The following CDIN1 variants were observed in gnomAD, a reference collection of about 807,000 sequenced individuals.
The protein encoded by CDIN1 is CDAN1 interacting nuclease 1.
Under a neutral mutation model 45.3 loss-of-function variants are expected in CDIN1, and 33 were observed. The ratio of observed to expected loss-of-function variants is 0.73; its 90% CI spans 0.55 to 0.97. CDIN1 has a LOEUF of 0.97. Among genes scored for constraint, CDIN1 ranks in the 50% least tolerant of loss-of-function variants. The pLI is 0.00. For synonymous variants in CDIN1, 118 were observed against 124.4 expected (o/e 0.95, Z 0.34); for missense variants, 303 against 339.4 (o/e 0.89, Z 0.84).
At chr15:36,782,040 A>G (rs1469253624) in intron 10 of CDIN1, among the ~76,000 whole-genome samples, 1 of 152,224 alleles carries the variant, frequency 6.6e-6, no homozygotes, top group African/African-American at 2.4e-5. Flanking sequence ...CCACTCCCAG[A>G]AGTAGCCATG....
At chr15:36,617,352 A>T in intron 1 of CDIN1, 3 of 1,555,846 alleles carry the variant, frequency 1.9e-6, no homozygotes, top group Non-Finnish European at 2.7e-6. Flanking sequence ...TTGAAGAATC[A>T]ACTGATGGGA....
chr15:36,733,525 G>C (rs1414230297), intron 10 of CDIN1, among the ~76,000 whole-genome samples: 1 of 151,454 alleles, frequency 6.6e-6, no homozygotes, highest in Non-Finnish European at 1.5e-5. Flanking sequence ...TCCTTTTTGT[G>C]AATCGTGTAC....
intron 8 of CDIN1, among the ~76,000 whole-genome samples, chr15:36,701,171 TAG>T (rs1566912763): frequency 6.8e-6 from 1 of 146,652 alleles, no homozygotes; most frequent in East Asian, 2.0e-4. Flanking sequence ...GATAGATAGA[TAG>T]ATATGAGCAT....
rs570537996 is a variant in CDIN1, at chr15:36,697,300, C to T, written c.477-23C>T. 44 of 1,608,300 alleles carry T rather than the reference C, an allele frequency of 2.7e-5. No individual in the cohort carries two copies. The East Asian group carries it at 8.0e-4, about 29-fold the overall frequency. ...TGCTGGTATAATTCTGCCTGTGTTA[C>T]CCCCTTAACTGAAACTTCCCAGTGC... On this transcript the variant is annotated intron_variant, in intron 7 of 10. Transcript: ENST00000566621.
chr15:36,661,831 T>A (rs1244547893), intron 5 of CDIN1, among the ~76,000 whole-genome samples: 1 of 152,142 alleles, frequency 6.6e-6, no homozygotes, highest in East Asian at 1.9e-4. Context: ...ATGAAAACTC[T>A]AAGTATAGAA....
At chr15:36,702,962 A>G (rs1219007724) in intron 8 of CDIN1, among the ~76,000 whole-genome samples, 1 of 150,280 alleles carries the variant, frequency 6.7e-6, no homozygotes, top group Non-Finnish European at 1.5e-5. Context: ...GCACTTTGGG[A>G]GGCTGAGGTG....
chr15:36,799,934 A>C (rs1304921980), intron 10 of CDIN1: 4 of 152,236 alleles, frequency 2.6e-5, no homozygotes, highest in Non-Finnish European at 2.9e-5. Flanking sequence ...TAGAAAGATT[A>C]TAAATATAGC....
intron 10 of CDIN1, among the ~76,000 whole-genome samples, chr15:36,773,502 C>T (rs1251343819): frequency 6.6e-6 from 1 of 152,118 alleles, no homozygotes; most frequent in Non-Finnish European, 1.5e-5. Flanking sequence ...TTGGACAGCA[C>T]AGGTCTAGAT....
intron 10 of CDIN1, among the ~76,000 whole-genome samples, chr15:36,763,115 T>C (rs1160834318): frequency 6.6e-6 from 1 of 152,246 alleles, no homozygotes; most frequent in Non-Finnish European, 1.5e-5. Context: ...ATCAACAGTG[T>C]AAAAGTATTC....
chr15:36,705,686 G>A (rs976362181), intron 8 of CDIN1: 3 of 152,116 alleles, frequency 2.0e-5, no homozygotes, highest in South Asian at 4.1e-4. Flanking sequence ...GCTTTTAAGT[G>A]ATAATATTCC....
chr15:36,639,893 C>G (rs1382242313), intron 1 of CDIN1, among the ~76,000 whole-genome samples: 1 of 152,068 alleles, frequency 6.6e-6, no homozygotes, highest in African/African-American at 2.4e-5. Context: ...ATGTTGCCAT[C>G]TACCTAATCA....
rs976433315 is a variant in CDIN1, at chr15:36,579,739, C to G, written c.-122C>G. 13 of 735,726 alleles carry G rather than the reference C, an allele frequency of 1.8e-5. No individual in the cohort carries two copies. Among genetic ancestry groups the G allele is most frequent in the Non-Finnish European group, 2.9e-5 (13 of 453,868 alleles). 45.6% of individuals were successfully genotyped at this position (735,726 alleles called of 1,614,324 possible). The stretch of plus-strand genomic sequence containing the variant: ...GTGTTTCAGGGGGGATTGGGGCAAG[C>G]CAAGCAGGCGAGGACCCGGGCCTGT... On this transcript the variant is annotated 5_prime_UTR_variant, in exon 1 of 11. Coordinates refer to ENST00000566621, the MANE Select transcript of CDIN1 (RefSeq NM_001321759.2).
At chr15:36,674,357 T>C (rs1382362210) in intron 5 of CDIN1, among the ~76,000 whole-genome samples, 1 of 152,136 alleles carries the variant, frequency 6.6e-6, no homozygotes, top group Non-Finnish European at 1.5e-5. Flanking sequence ...TCAGCCTCTT[T>C]ATGAATTTTT....
intron 3 of CDIN1, among the ~76,000 whole-genome samples, chr15:36,645,961 A>T (rs2040310508): frequency 2.4e-5 from 1 of 41,164 alleles, no homozygotes; most frequent in East Asian, 9.3e-4. Flanking sequence ...ACAATATTTA[A>T]AATAGCTCTG....
intron 1 of CDIN1, chr15:36,626,650 A>G: frequency 2.8e-6 from 1 of 351,796 alleles, no homozygotes; most frequent in Non-Finnish European, 5.6e-6. Context: ...TTGGGCAACA[A>G]AGCCATTTGC....
At chr15:36,719,801 T>A (rs1449900062) in intron 10 of CDIN1, among the ~76,000 whole-genome samples, 4 of 152,150 alleles carry the variant, frequency 2.6e-5, no homozygotes, top group Non-Finnish European at 4.4e-5. Flanking sequence ...GATTTCTTAG[T>A]AGTTATAAGA....
At chr15:36,584,855 G>C (rs1566810888) in intron 1 of CDIN1, among the ~76,000 whole-genome samples, 2 of 152,160 alleles carry the variant, frequency 1.3e-5, no homozygotes, top group South Asian at 2.1e-4. Context: ...CCCCAGCCAG[G>C]AAACAATTTT....
intron 1 of CDIN1, among the ~76,000 whole-genome samples, chr15:36,631,234 C>T (rs1366684372): frequency 6.6e-6 from 1 of 151,868 alleles, no homozygotes; most frequent in Non-Finnish European, 1.5e-5. Flanking sequence ...TAATTTTGAT[C>T]TTCTATTTTT....
At chr15:36,735,720 T>G (rs911961923) in intron 10 of CDIN1, among the ~76,000 whole-genome samples, 4 of 152,180 alleles carry the variant, frequency 2.6e-5, no homozygotes, top group African/African-American at 9.6e-5. Flanking sequence ...TTTTATCATA[T>G]CAAATTTATA....
Sources: allele counts gnomAD v4.1 joint callset (sites outside exome capture counted in the v4.1 genomes callset), GRCh38; gene constraint gnomAD v4.1.1; transcripts MANE v1.5; gene names NCBI Gene and HGNC (gene_info 2026-07-23, HGNC 2026-07-21).